Variants in DOCK1 observed in about 807,000 individuals in gnomAD.
The protein encoded by DOCK1 is dedicator of cytokinesis protein 1.
In DOCK1, 138 loss-of-function variants were observed where a neutral mutation model predicts 262.7. That is an observed-to-expected ratio of 0.53 (90% confidence interval 0.46 to 0.61). The LOEUF (loss-of-function observed/expected upper bound fraction) is 0.61, where lower values mean the gene tolerates loss of function less well. Ranked by LOEUF, DOCK1 falls within the 20% of genes least tolerant of loss-of-function variation. The pLI, the probability that DOCK1 is intolerant of heterozygous loss-of-function variation, is 0.00. For missense variants in DOCK1, 1,908 were observed against 2,370.7 expected (o/e 0.80, Z 4.05); for synonymous variants, 866 against 867.4 (o/e 1.00, Z 0.03).
At position 126,951,966 on chromosome 10, in the gene DOCK1, C is replaced by T. The variant is rs950259233; in HGVS notation, c.47-18736C>T. 6.0e-3 allele frequency among the ~76,000 whole-genome samples: 906 copies of T among 151,736 alleles called. 10 individuals carry two copies. Among genetic ancestry groups the T allele is most frequent in the African/African-American group, 0.02 (810 of 41,360 alleles). The stretch of plus-strand genomic sequence containing the variant: ...CTGGGTTCAAGCGATTTTCCTGCCT[C>T]GGACTCCTGAGTAGCTGGGACTACA... On this transcript the variant is annotated intron_variant, in intron 1 of 51. Coordinates refer to ENST00000623213, the MANE Select transcript of DOCK1 (RefSeq NM_001290223.2).
intron 16 of DOCK1, among the ~76,000 whole-genome samples, chr10:127,028,341 A>G (rs1024678959): frequency 6.6e-6 from 1 of 152,174 alleles, no homozygotes; most frequent in Non-Finnish European, 1.5e-5. Flanking sequence ...GATAATAACA[A>G]CTATCAGCAG....
Position 126,998,243 on chromosome 10 carries a change from T to A in DOCK1, c.761T>A (p.Phe254Tyr). Reference protein sequence around the residue: ...MSLYDPVESKFISENYLVRWS... With the variant: ...MSLYDPVESKYISENYLVRWS... ...CTATATGACCCTGTGGAGTCCAAAT[T>A]CATCAGGTGGGTGACATTTCTTGGC... Residue 254 changes from phenylalanine to tyrosine, a missense_variant, in exon 8 of 52, where the codon TTC (phenylalanine) becomes TAC (tyrosine). Transcript: ENST00000623213. 1 of 1,613,762 alleles carries A rather than the reference T, an allele frequency of 6.2e-7. No individual in the cohort carries two copies. The highest frequency in any genetic ancestry group is 8.5e-7 in the Non-Finnish European group (1 of 1,179,720).
At chr10:126,955,883 C>T (rs2036695748) in intron 1 of DOCK1, among the ~76,000 whole-genome samples, 1 of 152,114 alleles carries the variant, frequency 6.6e-6, no homozygotes, top group Non-Finnish European at 1.5e-5. Flanking sequence ...TTTGTGTCCT[C>T]TGGGAACTGA....
chr10:127,255,137 C>T (rs928337433), intron 28 of DOCK1, among the ~76,000 whole-genome samples: 1 of 152,284 alleles, frequency 6.6e-6, no homozygotes, highest in South Asian at 2.1e-4. Context: ...CAGTGGCTTA[C>T]ACCTGTAATC....
chr10:127,412,423 A>G (rs1300961572), intron 43 of DOCK1, among the ~76,000 whole-genome samples: 1 of 152,074 alleles, frequency 6.6e-6, no homozygotes, highest in Non-Finnish European at 1.5e-5. Flanking sequence ...GCATCAAATA[A>G]GCCATAATTT....
At chr10:127,311,053 A>G (rs2062046022) in intron 29 of DOCK1, among the ~76,000 whole-genome samples, 1 of 152,198 alleles carries the variant, frequency 6.6e-6, no homozygotes, top group Non-Finnish European at 1.5e-5. Flanking sequence ...GCATAAGAAT[A>G]GGCCAAAAGG....
chr10:127,113,422 A>T (rs569821801), intron 25 of DOCK1, among the ~76,000 whole-genome samples: 1 of 152,166 alleles, frequency 6.6e-6, no homozygotes, highest in Non-Finnish European at 1.5e-5. Context: ...TACTCACTGA[A>T]AGAGACCCAC....
intron 35 of DOCK1, among the ~76,000 whole-genome samples, chr10:127,379,353 CA>C (rs958857262): frequency 1.3e-5 from 2 of 152,202 alleles, no homozygotes; most frequent in African/African-American, 4.8e-5. Context: ...TGTTTATACA[CA>C]GGGGGCTTTT....
chr10:127,327,975 C>G (rs1328899145), intron 29 of DOCK1, among the ~76,000 whole-genome samples: 1 of 151,948 alleles, frequency 6.6e-6, no homozygotes, highest in Non-Finnish European at 1.5e-5. Context: ...AAGGGCACAC[C>G]CCACATAGAG....
At chr10:127,278,459 A>G (rs767221218) in intron 29 of DOCK1, among the ~76,000 whole-genome samples, 5 of 152,166 alleles carry the variant, frequency 3.3e-5, no homozygotes, top group Admixed American at 3.3e-4. Flanking sequence ...CTGGACCAGA[A>G]GGTTTTGTTC....
At chr10:127,334,895 T>G (rs1167008725) in intron 29 of DOCK1, among the ~76,000 whole-genome samples, 1 of 152,148 alleles carries the variant, frequency 6.6e-6, no homozygotes. Context: ...GAATCCCTAA[T>G]GAGAAGTTTG....
chr10:127,138,826 A>G (rs2133245769), intron 27 of DOCK1, among the ~76,000 whole-genome samples: 1 of 152,340 alleles, frequency 6.6e-6, no homozygotes, highest in South Asian at 2.1e-4. Flanking sequence ...TTCTTACAGC[A>G]TTTCTCCGAA....
intron 38 of DOCK1, among the ~76,000 whole-genome samples, chr10:127,391,701 G>A (rs2066488976): frequency 1.3e-5 from 2 of 151,880 alleles, no homozygotes; most frequent in African/African-American, 4.8e-5. Flanking sequence ...GAACAACTCG[G>A]GCCTCTGGGC....
chr10:127,363,965 G>C (rs184866542), intron 33 of DOCK1, among the ~76,000 whole-genome samples: 1 of 152,182 alleles, frequency 6.6e-6, no homozygotes, highest in Non-Finnish European at 1.5e-5. Flanking sequence ...CCAGAAAGGC[G>C]TGTTGTGAGA....
chr10:127,094,163 C>T (rs1415031885), intron 23 of DOCK1, among the ~76,000 whole-genome samples: 2 of 152,134 alleles, frequency 1.3e-5, no homozygotes, highest in African/African-American at 4.8e-5. Flanking sequence ...CGCAGCACTC[C>T]AGCCTGGGCG....
intron 29 of DOCK1, among the ~76,000 whole-genome samples, chr10:127,298,407 AT>A: frequency 6.6e-6 from 1 of 152,246 alleles, no homozygotes; most frequent in Non-Finnish European, 1.5e-5. Flanking sequence ...ATTAACTGAA[AT>A]GAAATCTTTT....
intron 27 of DOCK1, among the ~76,000 whole-genome samples, chr10:127,239,684 C>T (rs905254565): frequency 1.2e-4 from 18 of 152,150 alleles, no homozygotes; most frequent in Admixed American, 3.9e-4. Context: ...GAGTTACGCT[C>T]GTTTCTATTA....
intron 1 of DOCK1, among the ~76,000 whole-genome samples, chr10:126,918,138 G>A (rs1249214445): frequency 6.6e-6 from 1 of 152,210 alleles, no homozygotes; most frequent in East Asian, 1.9e-4. Context: ...GCCCGGGATT[G>A]CCAGTGCAGT....
intron 23 of DOCK1, among the ~76,000 whole-genome samples, chr10:127,086,935 TG>T (rs2047234979): frequency 6.6e-6 from 1 of 152,190 alleles, no homozygotes; most frequent in South Asian, 2.1e-4. Context: ...TGTAAATACT[TG>T]AGGTGGCCAA....
Sources: gnomAD v4.1 joint callset for allele counts (sites outside exome capture counted in the v4.1 genomes callset) on GRCh38, gnomAD v4.1.1 for gene constraint, MANE v1.5 for transcripts, NCBI Gene and HGNC (gene_info 2026-07-23, HGNC 2026-07-21) for gene names.